The following RIC1 variants were observed in gnomAD, a reference collection of about 807,000 sequenced individuals.
The protein encoded by RIC1 is RIC1 partner of RAB6A GEF complex.
RIC1 carries 88 observed loss-of-function variants against 169.0 expected under a neutral mutation model. That is an observed-to-expected ratio of 0.52 (90% confidence interval 0.44 to 0.62). RIC1 has a LOEUF of 0.62. RIC1 is among the 20% of genes least tolerant of loss of function. The pLI is 0.00. For synonymous variants in RIC1, 790 were observed against 601.5 expected (o/e 1.31, Z -4.59); for missense variants, 1,877 against 1,725.5 (o/e 1.09, Z -1.56).
intron 1 of RIC1, among the ~76,000 whole-genome samples, chr9:5,646,044 C>G (rs1445208626): frequency 1.3e-5 from 2 of 151,038 alleles, no homozygotes; most frequent in East Asian, 1.9e-4. Context: ...TACATTCTTA[C>G]CAGCAATACA....
chr9:5,762,614 C>T lies in RIC1; in HGVS notation c.2066C>T (p.Pro689Leu). ...LIMMQRDRSG[P>L]QIREKDSNPN... ...ATGATGCAGAGGGACAGGTCAGGCC[C>T]ACAGATCCGGGAGAAGGACAGTAAC... The change falls in exon 18 of 26, where the codon CCA (proline) becomes CTA (leucine). Residue 689 changes from proline (P) to leucine (L), a missense_variant. Pro to Leu is a moderately conservative substitution (Grantham distance 98, BLOSUM62 -3). Transcript: ENST00000414202. The T allele has an allele frequency of 6.2e-7, 1 of 1,613,966 alleles. No individual in the cohort carries two copies. The highest frequency in any genetic ancestry group is 8.5e-7 in the Non-Finnish European group (1 of 1,179,938).
chr9:5,692,326 C>T (rs1356447969), intron 3 of RIC1, among the ~76,000 whole-genome samples: 1 of 152,018 alleles, frequency 6.6e-6, no homozygotes, highest in Admixed American at 6.6e-5. Context: ...CAGTAGTAAT[C>T]ATCTCATAAG....
At chr9:5,655,298 GTTTA>G (rs550799857) in intron 1 of RIC1, among the ~76,000 whole-genome samples, 42 of 151,950 alleles carry the variant, frequency 2.8e-4, no homozygotes, top group African/African-American at 9.4e-4. Flanking sequence ...AGTGTTTTTT[GTTTA>G]TTTGTTTTGT....
intron 9 of RIC1, among the ~76,000 whole-genome samples, 182 bp downstream of exon 9, chr9:5,743,195 C>T (rs1383612991): frequency 2.0e-5 from 3 of 152,128 alleles, no homozygotes; most frequent in African/African-American, 4.8e-5. Flanking sequence ...AAAAAATGTA[C>T]ATCTCATTCC....
rs1305833314 is a variant in RIC1, at chr9:5,776,438, A to AAAAC, written c.*2195_*2198dup. ...TATTAATAAATTATTTGCTGAAACC[A>AAAAC]AAACAAGTCATTGGGGGTGTGGGAA... is the stretch of plus-strand genomic sequence containing the variant. On this transcript the variant is annotated 3_prime_UTR_variant, in exon 26 of 26. Coordinates refer to ENST00000414202, the MANE Select transcript of RIC1 (RefSeq NM_020829.4). 6.6e-6 allele frequency: 1 copy of AAAAC among 152,098 alleles called. No individual in the cohort carries two copies. The highest frequency in any genetic ancestry group is 1.9e-4 in the East Asian group (1 of 5,200). 9.4% of individuals were successfully genotyped at this position (152,098 alleles called of 1,614,324 possible).
chr9:5,651,041 A>G (rs1457154357), intron 1 of RIC1, among the ~76,000 whole-genome samples: 1 of 152,186 alleles, frequency 6.6e-6, no homozygotes, highest in Non-Finnish European at 1.5e-5. Context: ...CAGGTGGTAC[A>G]GGACCCAGTG....
intron 1 of RIC1, among the ~76,000 whole-genome samples, chr9:5,633,225 T>G (rs1249050053): frequency 6.6e-6 from 1 of 152,206 alleles, no homozygotes; most frequent in Admixed American, 6.5e-5. Flanking sequence ...AAGCTTTGGA[T>G]CAGGTATGTG....
At chr9:5,724,607 G>C (rs1300465045) in intron 6 of RIC1, among the ~76,000 whole-genome samples, 1 of 152,180 alleles carries the variant, frequency 6.6e-6, no homozygotes, top group Admixed American at 6.5e-5. Context: ...TTGAATAGGA[G>C]TGGTGAGAGA....
At chr9:5,732,607 A>C (rs532929823) in intron 7 of RIC1, 128 bp downstream of exon 7, 1 of 522,612 alleles carries the variant, frequency 1.9e-6, no homozygotes, top group African/African-American at 2.0e-5. Context: ...TTATCAGTCA[A>C]CCTTAATATG....
chr9:5,752,789 TA>T (rs1323328141), intron 12 of RIC1, among the ~76,000 whole-genome samples: 2 of 152,192 alleles, frequency 1.3e-5, no homozygotes, highest in African/African-American at 4.8e-5. Context: ...ATATTTCCAT[TA>T]AAAACCAGAA....
At chr9:5,769,473 C>G (rs181300470) in intron 22 of RIC1, 10 of 1,446,428 alleles carry the variant, frequency 6.9e-6, no homozygotes, top group Middle Eastern at 2.2e-4. Flanking sequence ...ACCTTGAAGT[C>G]TAATTCAAAA....
At chr9:5,664,289 T>C (rs1289842141) in intron 2 of RIC1, among the ~76,000 whole-genome samples, 1 of 151,948 alleles carries the variant, frequency 6.6e-6, no homozygotes. Flanking sequence ...GGCGCATACC[T>C]GTAGTCCCAG....
At chr9:5,662,465 T>TC (rs1819511175) in intron 2 of RIC1, among the ~76,000 whole-genome samples, 1 of 132,798 alleles carries the variant, frequency 7.5e-6, no homozygotes, top group Admixed American at 7.9e-5. Context: ...TGTCCTGGGC[T>TC]GGTTTTTTTT....
chr9:5,638,689 T>G (rs1259799028), intron 1 of RIC1, among the ~76,000 whole-genome samples: 1 of 152,188 alleles, frequency 6.6e-6, no homozygotes, highest in Non-Finnish European at 1.5e-5. Flanking sequence ...AATATCTCCT[T>G]TCTTATCTCT....
intron 1 of RIC1, among the ~76,000 whole-genome samples, chr9:5,645,601 C>G (rs575825247): frequency 1.9e-4 from 29 of 152,114 alleles, no homozygotes; most frequent in Non-Finnish European, 4.0e-4. Flanking sequence ...TATTTTCTGT[C>G]TTTATGAATT....
chr9:5,767,180 C>G (rs1283325878), intron 21 of RIC1, among the ~76,000 whole-genome samples: 1 of 152,204 alleles, frequency 6.6e-6, no homozygotes, highest in East Asian at 1.9e-4. Flanking sequence ...ACCTTTCCTT[C>G]TAATTATACT....
At chr9:5,684,096 G>GT (rs1821044541) in intron 2 of RIC1, among the ~76,000 whole-genome samples, 1 of 152,094 alleles carries the variant, frequency 6.6e-6, no homozygotes, top group African/African-American at 2.4e-5. Context: ...CGCTTCCCAG[G>GT]TGAGGTGATG....
intron 1 of RIC1, 101 bp downstream of exon 1, chr9:5,629,554 G>C: frequency 7.9e-7 from 1 of 1,261,488 alleles, no homozygotes; most frequent in Non-Finnish European, 1.0e-6. Context: ...CTGCCCCTTC[G>C]TGCCAGACCC....
rs752902435 is a variant in RIC1, at chr9:5,773,864, T to A, written c.3984-94T>A. 3 of 1,218,924 alleles carry A rather than the reference T, an allele frequency of 2.5e-6. No individual in the cohort carries two copies. The African/African-American group carries it at 4.6e-5, about 19-fold the overall frequency. 75.5% of individuals were successfully genotyped at this position (1,218,924 alleles called of 1,614,324 possible). ...TCCCCTCCTAATCTATCGTCGTCTTTACCATATCAATGTTCAGTAGAAGTT... is the reference window on the plus strand; with the variant it reads ...TCCCCTCCTAATCTATCGTCGTCTTAACCATATCAATGTTCAGTAGAAGTT... On this transcript the variant is annotated intron_variant, in intron 25 of 25. Transcript: ENST00000414202.
Sources: gnomAD v4.1 joint callset for allele counts (sites outside exome capture counted in the v4.1 genomes callset) on GRCh38, gnomAD v4.1.1 for gene constraint, MANE v1.5 for transcripts, NCBI Gene and HGNC (gene_info 2026-07-23, HGNC 2026-07-21) for gene names.